SNX30: variants seen among roughly 807,000 people sequenced by gnomAD.
SNX30 encodes sorting nexin-30.
A neutral mutation model predicts 46.4 loss-of-function variants in SNX30; 24 were observed. The ratio of observed to expected loss-of-function variants is 0.52; its 90% CI spans 0.37 to 0.73. The LOEUF (loss-of-function observed/expected upper bound fraction) is 0.73, where lower values mean the gene tolerates loss of function less well. SNX30 is among the 30% of genes least tolerant of loss of function. The probability of loss-of-function intolerance (pLI) is 0.00; values close to 1 mark genes in which losing one functional copy is unlikely to be tolerated. For missense variants in SNX30, 533 were observed against 555.7 expected, an observed-to-expected ratio of 0.96 and a Z score of 0.41; for synonymous variants, 189 against 211.5, an observed-to-expected ratio of 0.89 and a Z score of 0.92.
chr9:112,857,167 G>A (rs894191463), intron 7 of SNX30, among the ~76,000 whole-genome samples: 1 of 152,168 alleles, frequency 6.6e-6, no homozygotes, highest in Non-Finnish European at 1.5e-5. Context: ...AGGCAAGCTC[G>A]AGGATCTCTT....
intron 1 of SNX30, among the ~76,000 whole-genome samples, chr9:112,780,988 C>T (rs1392886925): frequency 6.6e-6 from 1 of 152,182 alleles, no homozygotes; most frequent in Non-Finnish European, 1.5e-5. Context: ...CACAGAGTCC[C>T]CTAACCATAG....
chr9:112,798,149 C>T (rs1310981023), intron 1 of SNX30, among the ~76,000 whole-genome samples: 11 of 82,166 alleles, frequency 1.3e-4, no homozygotes, highest in East Asian at 3.7e-4. Context: ...TTATTATACT[C>T]TAAGTTTTAG....
At chr9:112,811,102 A>G (rs1188296565) in intron 2 of SNX30, among the ~76,000 whole-genome samples, 1 of 152,238 alleles carries the variant, frequency 6.6e-6, no homozygotes, top group African/African-American at 2.4e-5. Flanking sequence ...CTTGGCAGAA[A>G]GATCTGAGAG....
chr9:112,868,324 G>A (rs1841392954), intron 8 of SNX30, among the ~76,000 whole-genome samples: 1 of 152,126 alleles, frequency 6.6e-6, no homozygotes, highest in Admixed American at 6.5e-5. Flanking sequence ...AGGAAGAGTG[G>A]GCTTTCCACC....
At chr9:112,762,239 T>TG (rs142531047) in intron 1 of SNX30, among the ~76,000 whole-genome samples, 9,922 of 149,806 alleles carry the variant, frequency 0.066, 410 homozygotes, top group Non-Finnish European at 0.096. Flanking sequence ...TGTGTGTTGG[T>TG]GGGGGGGAAG....
rs550639382 is a variant in SNX30, at chr9:112,821,777, C to T, written c.459+3962C>T. 1.8e-3 allele frequency among the ~76,000 whole-genome samples: 275 copies of T among 151,138 alleles called. 1 individual carries two copies. In the South Asian group the frequency reaches 0.019, roughly 10 times the overall value. ...CTGGGATTACAGGCTTGAGCCACTG[C>T]GCCCAGCCCCATTATATGTATAAAA... is the stretch of plus-strand genomic sequence containing the variant. On this transcript the variant is annotated intron_variant, in intron 3 of 8. Coordinates refer to ENST00000374232, the MANE Select transcript of SNX30 (RefSeq NM_001012994.2).
chr9:112,786,303 T>C (rs1175540795), intron 1 of SNX30, among the ~76,000 whole-genome samples: 1 of 151,980 alleles, frequency 6.6e-6, no homozygotes, highest in African/African-American at 2.4e-5. Flanking sequence ...ATTTTTTTTG[T>C]AGAGACAGGG....
At chr9:112,783,168 G>A (rs993320648) in intron 1 of SNX30, among the ~76,000 whole-genome samples, 3 of 152,226 alleles carry the variant, frequency 2.0e-5, no homozygotes, top group African/African-American at 4.8e-5. Context: ...GGGGTTTCTT[G>A]TCCGGTAGGT....
chr9:112,846,658 G>T (rs1013567411), intron 6 of SNX30, among the ~76,000 whole-genome samples: 1 of 151,940 alleles, frequency 6.6e-6, no homozygotes, highest in African/African-American at 2.4e-5. Flanking sequence ...TTCCACTTGG[G>T]TCTTGGGTCG....
intron 4 of SNX30, among the ~76,000 whole-genome samples, chr9:112,834,877 C>CAT (rs1840726291): frequency 6.0e-5 from 5 of 82,726 alleles, no homozygotes; most frequent in African/African-American, 1.5e-4. Flanking sequence ...CACACACACA[C>CAT]ACACACCTAC....
intron 2 of SNX30, among the ~76,000 whole-genome samples, chr9:112,815,966 C>CT (rs1487987220): frequency 6.6e-6 from 1 of 152,190 alleles, no homozygotes; most frequent in African/African-American, 2.4e-5. Flanking sequence ...GCCTCAGCCT[C>CT]TGAGTAGTAG....
chr9:112,750,242 C>A (rs914262219), upstream of SNX30, among the ~76,000 whole-genome samples: 3 of 152,196 alleles, frequency 2.0e-5, no homozygotes, highest in South Asian at 6.2e-4. Context: ...CCTGAAGACT[C>A]CCCACACCGC....
intron 1 of SNX30, among the ~76,000 whole-genome samples, chr9:112,793,653 C>G (rs1185733741): frequency 6.6e-6 from 1 of 152,136 alleles, no homozygotes; most frequent in Non-Finnish European, 1.5e-5. Context: ...GGGTTAGATT[C>G]CTCTGGGTTC....
intron 1 of SNX30, among the ~76,000 whole-genome samples, chr9:112,766,037 C>T (rs577128211): frequency 1.8e-4 from 28 of 152,224 alleles, no homozygotes; most frequent in Middle Eastern, 3.4e-3. Context: ...CTCCTGACCT[C>T]GTAATCCACC....
At chr9:112,839,497 C>G (rs1441451537) in intron 6 of SNX30, among the ~76,000 whole-genome samples, 2 of 152,182 alleles carry the variant, frequency 1.3e-5, no homozygotes, top group Admixed American at 1.3e-4. Context: ...AATCTTTGGC[C>G]TCAAATTCTG....
downstream of SNX30, chr9:112,879,939 A>G (rs992664493): frequency 1.1e-6 from 1 of 871,056 alleles, no homozygotes; most frequent in South Asian, 1.5e-5. Flanking sequence ...ATAGGTAGGC[A>G]TTGACCAAGG....
chr9:112,805,626 G>A (rs1354213735), intron 2 of SNX30, among the ~76,000 whole-genome samples: 3 of 152,066 alleles, frequency 2.0e-5, no homozygotes, highest in African/African-American at 7.2e-5. Flanking sequence ...GTGCCACTAT[G>A]CCCAGCTAAT....
intron 1 of SNX30, among the ~76,000 whole-genome samples, chr9:112,795,478 T>C (rs1333320893): frequency 6.6e-6 from 1 of 152,226 alleles, no homozygotes; most frequent in East Asian, 1.9e-4. Context: ...GATTCATTCA[T>C]TCATGAAATA....
chr9:112,819,518 C>T (rs1260158581), intron 3 of SNX30, among the ~76,000 whole-genome samples: 9 of 152,084 alleles, frequency 5.9e-5, no homozygotes, highest in Non-Finnish European at 1.2e-4. Flanking sequence ...CCTCCCACCT[C>T]GGCCTCCCAA....
Sources: gnomAD v4.1 joint callset for allele counts (sites outside exome capture counted in the v4.1 genomes callset) on GRCh38, gnomAD v4.1.1 for gene constraint, MANE v1.5 for transcripts, NCBI Gene and HGNC (gene_info 2026-07-23, HGNC 2026-07-21) for gene names.